SAMD5: variants seen among roughly 807,000 people sequenced by gnomAD.
SAMD5 encodes the protein sterile alpha motif domain-containing protein 5.
SAMD5 carries 13 observed loss-of-function variants against 11.3 expected under a neutral mutation model. The ratio of observed to expected loss-of-function variants is 1.15; its 90% CI spans 0.75 to 1.83. SAMD5 has a LOEUF of 1.83. Among genes scored for constraint, SAMD5 ranks in the 40% most tolerant of loss-of-function variants. The pLI is 0.00. For missense variants in SAMD5, 255 were observed against 239.1 expected (o/e 1.07, Z -0.44); for synonymous variants, 129 against 111.3 (o/e 1.16, Z -1.00).
the SAMD5 span, among the ~76,000 whole-genome samples, chr6:147,799,484 C>T: frequency 1.8e-4 from 27 of 151,534 alleles, no homozygotes; most frequent in African/African-American, 4.1e-4. Flanking sequence ...CGACCTTTCT[C>T]TCTGGCTGCC....
the SAMD5 span, among the ~76,000 whole-genome samples, chr6:147,752,146 G>A: frequency 6.6e-6 from 1 of 152,214 alleles, no homozygotes; most frequent in Admixed American, 6.5e-5. Flanking sequence ...TGGTAAAATG[G>A]AAGATATAAG....
chr6:147,681,304 A>C (rs1464717852), intron 1 of SAMD5, among the ~76,000 whole-genome samples: 1 of 152,132 alleles, frequency 6.6e-6, no homozygotes, highest in Admixed American at 6.5e-5. Flanking sequence ...TTTCTTCTGT[A>C]GTAACTAATC....
At chr6:147,816,781 A>G in the SAMD5 span, among the ~76,000 whole-genome samples, 7 of 152,186 alleles carry the variant, frequency 4.6e-5, no homozygotes, top group Non-Finnish European at 1.0e-4. Flanking sequence ...ATCTCCTAAG[A>G]TGAGGCTGGC....
intron 1 of SAMD5, among the ~76,000 whole-genome samples, chr6:147,599,147 G>C (rs12204941): frequency 6.6e-6 from 1 of 152,008 alleles, no homozygotes; most frequent in African/African-American, 2.4e-5. Flanking sequence ...ATTGGGCAAG[G>C]CTAGGACTTC....
the SAMD5 span, among the ~76,000 whole-genome samples, chr6:147,842,619 GA>G: frequency 9.2e-5 from 14 of 151,888 alleles, no homozygotes; most frequent in African/African-American, 2.7e-4. Flanking sequence ...GAAATTGAAT[GA>G]AAAAAATGCG....
chr6:147,758,658 A>G, the SAMD5 span, among the ~76,000 whole-genome samples: 1,807 of 152,302 alleles, frequency 0.012, 21 homozygotes, highest in Middle Eastern at 0.034. Flanking sequence ...GGAGAGCCTT[A>G]AAATGGAAAT....
At chr6:147,736,605 C>G (rs74512675) in intron 1 of SAMD5, among the ~76,000 whole-genome samples, 2,460 of 152,262 alleles carry the variant, frequency 0.016, 59 homozygotes, top group African/African-American at 0.056. Flanking sequence ...CATGTACCAA[C>G]TATTTACATA....
At chr6:147,793,721 A>C in the SAMD5 span, among the ~76,000 whole-genome samples, 1 of 152,182 alleles carries the variant, frequency 6.6e-6, no homozygotes, top group African/African-American at 2.4e-5. Flanking sequence ...TTTTTATAAA[A>C]AGAAAAAGTT....
intron 1 of SAMD5, among the ~76,000 whole-genome samples, chr6:147,708,293 G>A (rs1045299223): frequency 1.3e-5 from 2 of 152,164 alleles, no homozygotes; most frequent in Non-Finnish European, 2.9e-5. Context: ...GGCCATCCGC[G>A]AGCCAAGGAG....
the SAMD5 span, chr6:147,947,411 G>A: frequency 1.3e-5 from 2 of 152,156 alleles, no homozygotes; most frequent in Non-Finnish European, 2.9e-5. Context: ...ATCTAAGAAC[G>A]GCTGCAATTG....
the SAMD5 span, among the ~76,000 whole-genome samples, chr6:147,794,757 C>A: frequency 2.0e-5 from 3 of 152,050 alleles, no homozygotes; most frequent in Non-Finnish European, 4.4e-5. Flanking sequence ...AACAGATGTA[C>A]AATATTTCTG....
chr6:147,567,812 C>T lies in SAMD5; in HGVS notation c.*3356C>T. The stretch of plus-strand genomic sequence containing the variant: ...CTCTCAGGAAGGATAAAAAAGGCTA[C>T]AGTACCTGCTCATAGGAGTTCAGTA... On this transcript the variant is annotated 3_prime_UTR_variant, in exon 2 of 2. Transcript: ENST00000367474. 1 of 985,240 alleles carries T rather than the reference C, an allele frequency of 1.0e-6. No homozygotes were observed. 61.0% of individuals were successfully genotyped at this position (985,240 alleles called of 1,614,324 possible).
At chr6:147,877,911 C>A in the SAMD5 span, among the ~76,000 whole-genome samples, 57,274 of 100,600 alleles carry the variant, frequency 0.57, 14,616 homozygotes, top group Middle Eastern at 0.61. Flanking sequence ...AGATAGATAG[C>A]TAGCTAGCTA....
intron 1 of SAMD5, among the ~76,000 whole-genome samples, chr6:147,540,965 A>T (rs796126309): frequency 1.4e-3 from 145 of 103,116 alleles, no homozygotes; most frequent in African/African-American, 5.0e-3. Flanking sequence ...TTTTTTGAGA[A>T]GGAGTCTTCT....
chr6:147,759,766 A>G, the SAMD5 span, among the ~76,000 whole-genome samples: 3 of 152,144 alleles, frequency 2.0e-5, 1 homozygote, highest in African/African-American at 7.2e-5. Flanking sequence ...TGGAGTAATC[A>G]GTGTATCCTA....
the SAMD5 span, among the ~76,000 whole-genome samples, chr6:147,913,241 T>C: frequency 2.6e-5 from 4 of 152,132 alleles, no homozygotes; most frequent in East Asian, 7.7e-4. Flanking sequence ...GTTCAGGTAA[T>C]TTGGGAACAT....
the SAMD5 span, among the ~76,000 whole-genome samples, chr6:147,926,525 G>GT: frequency 6.3e-3 from 955 of 150,444 alleles, 9 homozygotes; most frequent in African/African-American, 0.022. Context: ...ACTTTTTAAT[G>GT]TTTTTTTTTC....
chr6:147,541,059 C>T (rs1232230805), intron 1 of SAMD5, among the ~76,000 whole-genome samples: 3 of 148,696 alleles, frequency 2.0e-5, no homozygotes, highest in African/African-American at 7.4e-5. Flanking sequence ...AAGCGATTCT[C>T]CTGCCTCAGC....
the SAMD5 span, among the ~76,000 whole-genome samples, chr6:147,845,399 G>A: frequency 4.3e-4 from 65 of 152,176 alleles, no homozygotes; most frequent in African/African-American, 1.5e-3. Flanking sequence ...TTGATAAACT[G>A]GTCTCATCAA....
Sources: gnomAD v4.1 joint callset for allele counts (sites outside exome capture counted in the v4.1 genomes callset) on GRCh38, gnomAD v4.1.1 for gene constraint, MANE v1.5 for transcripts, NCBI Gene and HGNC (gene_info 2026-07-23, HGNC 2026-07-21) for gene names.